The following FRMD1 variants were observed in gnomAD, a reference collection of about 807,000 sequenced individuals.
FRMD1 encodes FERM domain containing 1.
A neutral mutation model predicts 54.9 loss-of-function variants in FRMD1; 51 were observed. The observed-to-expected ratio is 0.93, with a 90% CI of 0.74 to 1.17. The LOEUF (loss-of-function observed/expected upper bound fraction) is 1.17, where lower values mean the gene tolerates loss of function less well. FRMD1 is among the 50% of genes most tolerant of loss of function. The pLI, the probability that FRMD1 is intolerant of heterozygous loss-of-function variation, is 0.00. For synonymous variants in FRMD1, 324 were observed against 306.4 expected (o/e 1.06, Z -0.60); for missense variants, 729 against 743.0 (o/e 0.98, Z 0.22).
upstream of FRMD1, among the ~76,000 whole-genome samples, chr6:168,084,338 G>A (rs528916452): frequency 9.2e-5 from 14 of 152,288 alleles, no homozygotes; most frequent in East Asian, 1.3e-3. Context: ...TGCGCGTGTC[G>A]GATTATGATG....
At chr6:168,065,973 GCA>G (rs1209931752) in intron 4 of FRMD1, 1 of 1,000,126 alleles carries the variant, frequency 1.0e-6, no homozygotes, top group African/African-American at 1.7e-5. Context: ...AAGCTCTAAG[GCA>G]GCTCTGGAAG....
Position 168,063,819 on chromosome 6 carries a change from C to G in FRMD1, c.649-63G>C, listed in dbSNP as rs1799889546. On this transcript the variant is annotated intron_variant, in intron 5 of 10. Coordinates refer to ENST00000283309, the MANE Select transcript of FRMD1 (RefSeq NM_024919.6). ...TGGTCCCCCCTTCCTCCTTGCCAGC[C>G]CCCTGCTCCGAGAAGCTTCCCCAGA... The G allele has an allele frequency of 1.4e-5, 21 of 1,509,852 alleles. No individual in the cohort carries two copies. The South Asian group carries it at 2.5e-4, about 18-fold the overall frequency. 93.5% of individuals were successfully genotyped at this position (1,509,852 alleles called of 1,614,324 possible). A position where few individuals can be genotyped will look rare whatever the true frequency, so the allele number is the denominator to read the frequency against.
chr6:168,065,799 C>T (rs529414314), intron 4 of FRMD1: 14 of 998,780 alleles, frequency 1.4e-5, no homozygotes, highest in African/African-American at 1.7e-5. Context: ...TCCACACAAC[C>T]GCACACATGC....
At chr6:168,066,518 CAAAAA>C (rs978890740) in intron 4 of FRMD1, 13 of 1,271,782 alleles carry the variant, frequency 1.0e-5, no homozygotes, top group African/African-American at 3.1e-5. Flanking sequence ...CAAAACAAAA[CAAAAA>C]GAAAAAGAAA....
At chr6:168,090,967 G>A (rs1801006411) in intron 1 of FRMD1, among the ~76,000 whole-genome samples, 1 of 152,190 alleles carries the variant, frequency 6.6e-6, no homozygotes, top group Admixed American at 6.5e-5. Context: ...GAGACCTCAG[G>A]TCGGCAGGAA....
At chr6:168,069,788 C>T (rs939483989) in intron 2 of FRMD1, among the ~76,000 whole-genome samples, 5 of 152,168 alleles carry the variant, frequency 3.3e-5, no homozygotes, top group Non-Finnish European at 5.9e-5. Context: ...CATCACTGTC[C>T]CCCTAAACCC....
Position 168,064,871 on chromosome 6 carries a change from C to G in FRMD1, c.648G>C (p.Trp216Cys). ...GGGAGGAGGTGGGCCCTGACCTTAC[C>G]CACTGTGGGAAGTAGGAGTGTGGCT... ...YFEPHSYFPQ[W>C]IITKRGIDYI... The change falls in exon 5 of 11, where the codon TGG (tryptophan) becomes TGC (cysteine). Residue 216 changes from tryptophan (W) to cysteine (C), a missense_variant and splice_region_variant. Transcript: ENST00000283309. 6.4e-7 allele frequency: 1 copy of G among 1,560,070 alleles called. No individual in the cohort carries two copies. The highest frequency in any genetic ancestry group is 8.7e-7 in the Non-Finnish European group (1 of 1,152,114).
At chr6:168,088,369 G>A (rs1251565315) in intron 1 of FRMD1, among the ~76,000 whole-genome samples, 3 of 152,346 alleles carry the variant, frequency 2.0e-5, no homozygotes, top group East Asian at 1.9e-4. Flanking sequence ...GGGCGGGGGA[G>A]TGGCCGGGAG....
At chr6:168,090,465 C>T (rs1383783486) in intron 1 of FRMD1, among the ~76,000 whole-genome samples, 1 of 152,172 alleles carries the variant, frequency 6.6e-6, no homozygotes, top group Non-Finnish European at 1.5e-5. Context: ...GGCCTTTGCA[C>T]ATGCTGTCTG....
chr6:168,063,472 C>T, intron 6 of FRMD1, 129 bp downstream of exon 6: 1 of 1,135,846 alleles, frequency 8.8e-7, no homozygotes, highest in Non-Finnish European at 1.2e-6. Context: ...GGGTCCTGGT[C>T]CCACTCTTAG....
chr6:168,074,109 G>A (rs928535558), intron 2 of FRMD1, among the ~76,000 whole-genome samples: 7 of 152,066 alleles, frequency 4.6e-5, no homozygotes, highest in Non-Finnish European at 1.0e-4. Flanking sequence ...GGATACAGGC[G>A]CTGCCACTCA....
chr6:168,079,997 G>A (rs564625884), upstream of FRMD1, among the ~76,000 whole-genome samples: 3 of 152,220 alleles, frequency 2.0e-5, no homozygotes, highest in East Asian at 5.8e-4. Context: ...CAGTTCCCAC[G>A]GGCCTGGGCT....
chr6:168,081,618 G>C, upstream of FRMD1: 1 of 1,168,414 alleles, frequency 8.6e-7, no homozygotes, highest in Non-Finnish European at 1.1e-6. Flanking sequence ...ACAAAGCACA[G>C]GTTTTGGAAA....
At chr6:168,075,044 T>C (rs1008512141) in intron 2 of FRMD1, among the ~76,000 whole-genome samples, 3 of 150,826 alleles carry the variant, frequency 2.0e-5, no homozygotes, top group Admixed American at 1.3e-4. Flanking sequence ...GCGAATGGTG[T>C]GTACCTGCAT....
At chr6:168,081,278 A>C, upstream of FRMD1, 1 of 1,391,892 alleles carries the variant, frequency 7.2e-7, no homozygotes, top group Non-Finnish European at 9.5e-7. Flanking sequence ...TCCTCAGCTC[A>C]TCAAGAAGAC....
chr6:168,067,007 G>A (rs1800066399), intron 3 of FRMD1, 176 bp from the exon 4 acceptor site: 4 of 858,056 alleles, frequency 4.7e-6, no homozygotes, highest in Non-Finnish European at 7.5e-6. Flanking sequence ...GGAGAACCCT[G>A]AGTGGGACGT....
At chr6:168,081,399 C>T (rs751327839), upstream of FRMD1, 3 of 1,535,454 alleles carry the variant, frequency 2.0e-6, no homozygotes, top group Non-Finnish European at 2.6e-6. Flanking sequence ...GCTGGCCTGC[C>T]ACGTTCGTGA....
chr6:168,076,772 C>T (rs547014556), intron 1 of FRMD1, among the ~76,000 whole-genome samples: 62 of 152,358 alleles, frequency 4.1e-4, no homozygotes, highest in Non-Finnish European at 6.8e-4. Flanking sequence ...GGGCAGGCCC[C>T]ACAATGACGG....
chr6:168,066,837 G>C lies in FRMD1; in HGVS notation c.385-6C>G, dbSNP rs763552929. 1 of 1,611,246 alleles carries C rather than the reference G, an allele frequency of 6.2e-7. No individual in the cohort carries two copies. Among genetic ancestry groups the C allele is most frequent in the South Asian group, 1.1e-5 (1 of 90,276 alleles). On this transcript the variant is annotated splice_region_variant and splice_polypyrimidine_tract_variant and intron_variant, in intron 3 of 10. Transcript: ENST00000283309. ...GCTCTGGGTTTCTCATTTCCCTAGT[G>C]GGGAAAATGCAAGAAAGAGCAAGTG...
Sources: gnomAD v4.1 joint callset for allele counts (sites outside exome capture counted in the v4.1 genomes callset) on GRCh38, gnomAD v4.1.1 for gene constraint, MANE v1.5 for transcripts, NCBI Gene and HGNC (gene_info 2026-07-23, HGNC 2026-07-21) for gene names.